Variants in SIK3 observed in about 807,000 individuals in gnomAD.
The protein encoded by SIK3 is serine/threonine-protein kinase SIK3.
Under a neutral mutation model 144.2 loss-of-function variants are expected in SIK3, and 28 were observed. The observed-to-expected ratio is 0.19, with a 90% CI of 0.14 to 0.27. The LOEUF (loss-of-function observed/expected upper bound fraction) is 0.27, where lower values mean the gene tolerates loss of function less well. SIK3 is among the 10% of genes least tolerant of loss of function. The pLI, the probability that SIK3 is intolerant of heterozygous loss-of-function variation, is 1.00. For missense variants in SIK3, 1,319 were observed against 1,776.0 expected, an observed-to-expected ratio of 0.74 and a Z score of 4.62; for synonymous variants, 686 against 676.3, an observed-to-expected ratio of 1.01 and a Z score of -0.22.
rs368840992 is a variant in SIK3 at position 117,087,213 on chromosome 11, G to A, written c.273+10930C>T. 3.3e-5 allele frequency among the ~76,000 whole-genome samples: 5 copies of A among 152,012 alleles called. No homozygotes were observed. In the East Asian group the frequency reaches 7.7e-4, roughly 24 times the overall value. ...CCACCACTCTGAGAGGCTGGGGGCG[G>A]GGGGTGGATTACTTGAGGTCAGGAG... On this transcript the variant is annotated intron_variant, in intron 1 of 24. Coordinates refer to ENST00000445177, the MANE Select transcript of SIK3 (RefSeq NM_001366686.3).
At chr11:116,853,552 G>C (rs545952141) in intron 21 of SIK3, among the ~76,000 whole-genome samples, 1 of 152,344 alleles carries the variant, frequency 6.6e-6, no homozygotes, top group South Asian at 2.1e-4. Flanking sequence ...ATTCTCTATT[G>C]AATCTGTCAA....
chr11:116,955,227 G>GT (rs1222407302), intron 2 of SIK3, among the ~76,000 whole-genome samples: 1 of 151,980 alleles, frequency 6.6e-6, no homozygotes, highest in Non-Finnish European at 1.5e-5. Flanking sequence ...GTGAAACCCC[G>GT]TTTCTACTAA....
chr11:116,906,561 A>G (rs1946049486), intron 4 of SIK3, among the ~76,000 whole-genome samples: 2 of 152,174 alleles, frequency 1.3e-5, no homozygotes, highest in African/African-American at 2.4e-5. Flanking sequence ...AAAAGGAGAG[A>G]GAAAGCGCGG....
At chr11:117,030,690 GAC>G (rs755463596) in intron 1 of SIK3, among the ~76,000 whole-genome samples, 7 of 151,974 alleles carry the variant, frequency 4.6e-5, no homozygotes, top group Non-Finnish European at 8.8e-5. Context: ...TTTGTTTTAA[GAC>G]ACAGTCTCAT....
chr11:117,042,315 A>G (rs1295391249), intron 1 of SIK3, among the ~76,000 whole-genome samples: 2 of 152,174 alleles, frequency 1.3e-5, no homozygotes, highest in Non-Finnish European at 2.9e-5. Flanking sequence ...CTTTAGATCT[A>G]TTGGCTGAAA....
chr11:116,900,545 C>T (rs1189765432), intron 4 of SIK3, among the ~76,000 whole-genome samples: 2 of 152,188 alleles, frequency 1.3e-5, no homozygotes, highest in African/African-American at 4.8e-5. Flanking sequence ...TCATTTAAGG[C>T]CCTTCACAAC....
intron 21 of SIK3, among the ~76,000 whole-genome samples, chr11:116,850,552 C>T (rs1236533093): frequency 6.6e-6 from 1 of 152,214 alleles, no homozygotes; most frequent in Non-Finnish European, 1.5e-5. Flanking sequence ...AAGACTTTGT[C>T]TCTGATTGCT....
intron 1 of SIK3, among the ~76,000 whole-genome samples, chr11:116,982,292 C>T (rs970485949): frequency 7.1e-6 from 1 of 141,542 alleles, no homozygotes; most frequent in African/African-American, 2.6e-5. Context: ...TGAAATGATG[C>T]TTTTTTTTTT....
Position 116,875,883 on chromosome 11 carries a change from C to T in SIK3, c.1222G>A (p.Ala408Thr), listed in dbSNP as rs1393986884. ...TTGCCCACCTGGATATTGACTGGTG[C>T]TTGAAAGGCCAGGGCTCGGGGCATG... The part of the protein sequence containing the change: ...PSMPRALAFQ[A>T]PVNIQAEQAG... The change falls in exon 9 of 25, where the codon GCA (alanine) becomes ACA (threonine). Residue 408 changes from alanine to threonine, a missense_variant. Physicochemically the swap from Ala to Thr is moderately conservative, Grantham distance 58 (BLOSUM62 0). Around this residue, in one of 8 missense-constraint regions of SIK3, gnomAD observed 109 missense variants for 109.3 expected, o/e 1.00. Transcript: ENST00000445177. 3.7e-6 allele frequency: 6 copies of T among 1,604,938 alleles called. No homozygotes were observed. The African/African-American group carries it at 6.7e-5, about 18-fold the overall frequency.
intron 4 of SIK3, among the ~76,000 whole-genome samples, chr11:116,916,917 C>T (rs12418208): frequency 0.075 from 11,323 of 151,666 alleles, 503 homozygotes; most frequent in Middle Eastern, 0.11. Flanking sequence ...CCAAACTAGG[C>T]GACAGAGCGA....
intron 1 of SIK3, among the ~76,000 whole-genome samples, chr11:117,042,221 C>T (rs1952775164): frequency 6.6e-6 from 1 of 152,206 alleles, no homozygotes; most frequent in Admixed American, 6.5e-5. Context: ...TCTCACTAAA[C>T]CCACAGTGCT....
chr11:117,095,582 A>C (rs1446615623), intron 1 of SIK3, among the ~76,000 whole-genome samples: 4 of 152,182 alleles, frequency 2.6e-5, no homozygotes, highest in African/African-American at 9.7e-5. Context: ...ACCAAACCAT[A>C]ACCTTAATAG....
At chr11:117,021,590 T>C (rs575756382) in intron 1 of SIK3, among the ~76,000 whole-genome samples, 2 of 152,252 alleles carry the variant, frequency 1.3e-5, no homozygotes, top group Admixed American at 6.5e-5. Flanking sequence ...ATTTCACACA[T>C]AGGGGATTAT....
At chr11:116,965,523 GATA>G (rs1949496012) in intron 1 of SIK3, among the ~76,000 whole-genome samples, 1 of 151,454 alleles carries the variant, frequency 6.6e-6, no homozygotes, top group South Asian at 2.1e-4. Flanking sequence ...TTAAGAGGGA[GATA>G]CTTAGAATGG....
intron 6 of SIK3, 43 bp from the exon 7 acceptor site, chr11:116,877,085 A>C (rs754988892): frequency 3.2e-6 from 5 of 1,562,250 alleles, no homozygotes; most frequent in South Asian, 2.2e-5. Context: ...TGGTGAGGGG[A>C]GGCACCAGGG....
intron 3 of SIK3, among the ~76,000 whole-genome samples, chr11:116,952,927 T>C (rs1161929019): frequency 3.3e-5 from 5 of 152,220 alleles, no homozygotes; most frequent in South Asian, 2.1e-4. Context: ...CCATACTATA[T>C]TGAGTATAAA....
intron 3 of SIK3, among the ~76,000 whole-genome samples, chr11:116,947,115 A>ATATATATATAT (rs1207260329): frequency 8.5e-4 from 6 of 7,092 alleles, no homozygotes; most frequent in Admixed American, 2.6e-3. Context: ...CGTCTCAAAA[A>ATATATATATAT]AATATATATA....
At position 116,844,634 on chromosome 11, in the gene SIK3, ATTATATTATATATTATATATATAAT is replaced by A. The variant is rs1941794909; in HGVS notation, c.*984_*1008del. 7 of 100,984 alleles carry A rather than the reference ATTATATTATATATTATATATATAAT, an allele frequency of 6.9e-5. No homozygotes were observed. The highest frequency in any genetic ancestry group is 2.7e-4 in the African/African-American group (6 of 21,914). The allele number at this position is 100,984 out of a possible 1,614,324, so 6.3% of individuals were successfully genotyped here. On this transcript the variant is annotated 3_prime_UTR_variant, in exon 25 of 25. Coordinates refer to ENST00000445177, the MANE Select transcript of SIK3 (RefSeq NM_001366686.3). ...TATATATATAATATATATATAATAT[ATTATATTATATATTATATATATAAT>A]ATATATATACACATATATTATATTA...
intron 2 of SIK3, among the ~76,000 whole-genome samples, chr11:116,955,496 G>A (rs145740776): frequency 5.3e-5 from 8 of 152,312 alleles, no homozygotes; most frequent in African/African-American, 1.4e-4. Flanking sequence ...AGCTAGCACT[G>A]GACCTGTGGA....
Sources: gnomAD v4.1 joint callset for allele counts (sites outside exome capture counted in the v4.1 genomes callset) on GRCh38, gnomAD v4.1.1 for gene constraint, gnomAD v4.1.1 regional missense constraint, MANE v1.5 for transcripts, NCBI Gene and HGNC (gene_info 2026-07-23, HGNC 2026-07-21) for gene names.